The following TTLL11 variants were observed in gnomAD, a reference collection of about 807,000 sequenced individuals.
TTLL11 encodes the protein tubulin tyrosine ligase like 11, also known as tubulin polyglutamylase TTLL11.
Under a neutral mutation model 51.7 loss-of-function variants are expected in TTLL11, and 42 were observed. That is an observed-to-expected ratio of 0.81 (90% CI 0.64 to 1.05). The LOEUF is 1.05. TTLL11 is among the 50% of genes least tolerant of loss of function. The pLI, the probability that TTLL11 is intolerant of heterozygous loss-of-function variation, is 0.00. For missense variants in TTLL11, 799 were observed against 940.4 expected, an observed-to-expected ratio of 0.85 and a Z score of 1.97; for synonymous variants, 381 against 383.5, an observed-to-expected ratio of 0.99 and a Z score of 0.08.
chr9:121,981,681 T>C (rs1479477622), intron 4 of TTLL11, among the ~76,000 whole-genome samples: 1 of 152,216 alleles, frequency 6.6e-6, no homozygotes, highest in South Asian at 2.1e-4. Flanking sequence ...GTGCTGGGCT[T>C]TGTTTTGGCA....
chr9:121,899,365 G>GTATA (rs1554766915), intron 6 of TTLL11, among the ~76,000 whole-genome samples: 5 of 113,246 alleles, frequency 4.4e-5, no homozygotes, highest in African/African-American at 1.3e-4. Flanking sequence ...ATGTGTGTGT[G>GTATA]TATATATATA....
chr9:122,087,649 C>T (rs1462938002), intron 1 of TTLL11, among the ~76,000 whole-genome samples: 1 of 152,188 alleles, frequency 6.6e-6, no homozygotes, highest in Non-Finnish European at 1.5e-5. Flanking sequence ...TAAACACAAC[C>T]TACATCTCCA....
At chr9:122,019,053 C>T (rs896807299) in intron 3 of TTLL11, among the ~76,000 whole-genome samples, 4 of 152,210 alleles carry the variant, frequency 2.6e-5, no homozygotes, top group Non-Finnish European at 5.9e-5. Context: ...GGTGACCCAG[C>T]AGACTCCTGA....
intron 1 of TTLL11, among the ~76,000 whole-genome samples, chr9:122,050,187 G>A (rs1000664277): frequency 6.6e-6 from 1 of 152,192 alleles, no homozygotes; most frequent in African/African-American, 2.4e-5. Flanking sequence ...TGTGGACTGC[G>A]ATAACACATG....
At chr9:122,022,322 C>T (rs1289420132) in intron 3 of TTLL11, among the ~76,000 whole-genome samples, 7 of 151,786 alleles carry the variant, frequency 4.6e-5, no homozygotes, top group African/African-American at 1.7e-4. Context: ...AAGAAAATTA[C>T]ATCAAGACAC....
chr9:122,039,837 A>G (rs1208461147), intron 1 of TTLL11, among the ~76,000 whole-genome samples: 1 of 151,780 alleles, frequency 6.6e-6, no homozygotes, highest in Non-Finnish European at 1.5e-5. Context: ...CAAAAGAATA[A>G]GCTTTCAGAG....
chr9:121,823,233 A>G (rs981133014), intron 8 of TTLL11, among the ~76,000 whole-genome samples: 2 of 152,232 alleles, frequency 1.3e-5, no homozygotes, highest in African/African-American at 4.8e-5. Context: ...AAATGTCCAC[A>G]ATGAAATGCC....
At chr9:121,866,659 CAA>C (rs10656322) in intron 7 of TTLL11, among the ~76,000 whole-genome samples, 6 of 129,188 alleles carry the variant, frequency 4.6e-5, no homozygotes, top group Non-Finnish European at 6.5e-5. Flanking sequence ...GACTCCATCT[CAA>C]AAAAAAAAAA....
At position 122,092,888 on chromosome 9, in the gene TTLL11, C is replaced by T. The variant is rs753508599; in HGVS notation, c.261G>A (p.Thr87=). 2.6e-6 allele frequency: 4 copies of T among 1,567,610 alleles called. No homozygotes were observed. The highest frequency in any genetic ancestry group is 1.4e-5 in the African/African-American group (1 of 73,706). Residue 87 remains threonine, a synonymous_variant, in exon 1 of 9, where the codon ACG becomes ACA. Transcript: ENST00000321582. Reference sequence around the variant, plus strand: ...CCGGCTTCGGCTTGGACGGGGGCAGCGTGGGCGGCGGCCGCTGAAGGACCT... The same window carrying T: ...CCGGCTTCGGCTTGGACGGGGGCAGTGTGGGCGGCGGCCGCTGAAGGACCT... ...NTQVLQRPPP[T]LPPSKPKPVQ...
chr9:121,925,220 CT>C (rs574872463), intron 6 of TTLL11, among the ~76,000 whole-genome samples: 1 of 152,218 alleles, frequency 6.6e-6, no homozygotes, highest in Non-Finnish European at 1.5e-5. Flanking sequence ...AGGATGTGTG[CT>C]TTTCTCCTAA....
chr9:122,082,186 G>A (rs936998132), intron 1 of TTLL11, among the ~76,000 whole-genome samples: 1 of 152,182 alleles, frequency 6.6e-6, no homozygotes, highest in Non-Finnish European at 1.5e-5. Context: ...TTCTACAGAA[G>A]TATTTGCACA....
At chr9:121,836,205 G>A (rs1167001704) in intron 8 of TTLL11, among the ~76,000 whole-genome samples, 1 of 152,102 alleles carries the variant, frequency 6.6e-6, no homozygotes, top group Middle Eastern at 3.2e-3. Context: ...CATTTGTCTT[G>A]GGCTCTGTGT....
rs146852872 is a variant in TTLL11 at position 121,833,998 on chromosome 9, G to A, written c.1841-11119C>T. Among the ~76,000 whole-genome samples, 583 of 152,138 alleles carry A rather than the reference G, an allele frequency of 3.8e-3. 6 individuals carry two copies. Among genetic ancestry groups the A allele is most frequent in the African/African-American group, 0.013 (548 of 41,488 alleles). On this transcript the variant is annotated intron_variant, in intron 8 of 8. Transcript: ENST00000321582. ...CTAGAAGAGATGTTTCTGTCTTATCGTACAATTCTAAATGTATAAGTATAC... is the reference window on the plus strand; with the variant it reads ...CTAGAAGAGATGTTTCTGTCTTATCATACAATTCTAAATGTATAAGTATAC...
At chr9:121,865,120 G>A (rs1838139414) in intron 7 of TTLL11, among the ~76,000 whole-genome samples, 1 of 152,208 alleles carries the variant, frequency 6.6e-6, no homozygotes, top group Non-Finnish European at 1.5e-5. Context: ...AATATTGCTG[G>A]AAAGGGATTG....
chr9:122,018,859 G>A (rs974435490), intron 3 of TTLL11, among the ~76,000 whole-genome samples: 5 of 152,188 alleles, frequency 3.3e-5, no homozygotes, highest in African/African-American at 4.8e-5. Context: ...ACGCTAAAGC[G>A]GGAAGACCAG....
At chr9:122,083,512 G>T (rs752095115) in intron 1 of TTLL11, among the ~76,000 whole-genome samples, 2 of 152,034 alleles carry the variant, frequency 1.3e-5, no homozygotes, top group Non-Finnish European at 2.9e-5. Flanking sequence ...ATATGTACAA[G>T]AATAAGAAAA....
At chr9:122,009,965 T>C (rs528868952) in intron 3 of TTLL11, among the ~76,000 whole-genome samples, 1 of 152,278 alleles carries the variant, frequency 6.6e-6, no homozygotes, top group African/African-American at 2.4e-5. Context: ...CTAATATTTG[T>C]TTCTCTTTTT....
chr9:121,824,590 G>GT (rs1836692660), intron 8 of TTLL11, among the ~76,000 whole-genome samples: 1 of 151,294 alleles, frequency 6.6e-6, no homozygotes. Context: ...TGACTCCCAT[G>GT]TTTTTTAACT....
At chr9:122,078,628 A>G (rs1450696157) in intron 1 of TTLL11, among the ~76,000 whole-genome samples, 1 of 152,230 alleles carries the variant, frequency 6.6e-6, no homozygotes, top group South Asian at 2.1e-4. Flanking sequence ...TTCATTATGT[A>G]CTTGGCACTT....
Sources: gnomAD v4.1 joint callset for allele counts (sites outside exome capture counted in the v4.1 genomes callset) on GRCh38, gnomAD v4.1.1 for gene constraint, MANE v1.5 for transcripts, NCBI Gene and HGNC (gene_info 2026-07-23, HGNC 2026-07-21) for gene names.